Variants in MSI2 observed in about 807,000 individuals in gnomAD.
The protein encoded by MSI2 is RNA-binding protein Musashi homolog 2.
In MSI2, 17 loss-of-function variants were observed where a neutral mutation model predicts 45.6. The ratio of observed to expected loss-of-function variants is 0.37; its 90% CI spans 0.26 to 0.56. The LOEUF is 0.56. Ranked by LOEUF, MSI2 falls within the 20% of genes least tolerant of loss-of-function variation. The pLI is 0.77. For synonymous variants in MSI2, 156 were observed against 158.2 expected (o/e 0.99, Z 0.11); for missense variants, 293 against 444.2 (o/e 0.66, Z 3.06).
At chr17:57,382,542 A>T (rs147758462) in intron 5 of MSI2, among the ~76,000 whole-genome samples, 100 of 152,318 alleles carry the variant, frequency 6.6e-4, no homozygotes, top group African/African-American at 2.2e-3. Context: ...GGTCAGAGAC[A>T]TGTGGTTGGA....
intron 5 of MSI2, among the ~76,000 whole-genome samples, chr17:57,385,371 A>C (rs1226984103): frequency 6.6e-6 from 1 of 152,214 alleles, no homozygotes; most frequent in African/African-American, 2.4e-5. Flanking sequence ...TTAGTGCCTG[A>C]AACAAGCAAT....
intron 7 of MSI2, among the ~76,000 whole-genome samples, chr17:57,550,915 A>G (rs2087288506): frequency 6.6e-6 from 1 of 152,188 alleles, no homozygotes. Flanking sequence ...GCCTCACTTC[A>G]CAGGAGAATT....
intron 10 of MSI2, among the ~76,000 whole-genome samples, chr17:57,639,741 C>A (rs976228889): frequency 3.7e-5 from 5 of 134,446 alleles, no homozygotes; most frequent in Admixed American, 7.5e-5. Flanking sequence ...GAGGCCAGCC[C>A]CACAGTTCCC....
intron 7 of MSI2, among the ~76,000 whole-genome samples, chr17:57,579,937 T>G: frequency 6.6e-6 from 1 of 152,166 alleles, no homozygotes; most frequent in East Asian, 1.9e-4. Flanking sequence ...CTTACAACCT[T>G]TTCTACAAAT....
At chr17:57,537,680 G>A (rs922417653) in intron 7 of MSI2, among the ~76,000 whole-genome samples, 8 of 152,136 alleles carry the variant, frequency 5.3e-5, no homozygotes, top group Non-Finnish European at 8.8e-5. Context: ...TTCCGGAAGC[G>A]CCCATTCCGG....
At chr17:57,484,662 C>A (rs1260057254) in intron 6 of MSI2, among the ~76,000 whole-genome samples, 3 of 152,318 alleles carry the variant, frequency 2.0e-5, no homozygotes, top group Admixed American at 2.0e-4. Flanking sequence ...CAGTTGTCTT[C>A]ATTGCTGAGT....
At chr17:57,481,924 T>A (rs1402368964) in intron 6 of MSI2, among the ~76,000 whole-genome samples, 1 of 152,248 alleles carries the variant, frequency 6.6e-6, no homozygotes, top group Non-Finnish European at 1.5e-5. Flanking sequence ...AGACAGCTTC[T>A]TATGAAATCA....
chr17:57,562,442 T>C (rs2144254163), intron 7 of MSI2, among the ~76,000 whole-genome samples: 1 of 152,342 alleles, frequency 6.6e-6, no homozygotes, highest in Non-Finnish European at 1.5e-5. Flanking sequence ...GCCTGTGGCC[T>C]GAAACCAGGG....
chr17:57,278,647 C>T (rs897910755), intron 5 of MSI2: 2 of 153,126 alleles, frequency 1.3e-5, no homozygotes, highest in South Asian at 4.1e-4. Context: ...CACTGCCCCC[C>T]CAACCCCTTG....
chr17:57,677,103 C>A (rs1913285653), intron 13 of MSI2, 44 bp downstream of exon 13: 3 of 1,358,788 alleles, frequency 2.2e-6, no homozygotes, highest in Non-Finnish European at 3.2e-6. Context: ...CCGGTGTGTC[C>A]GTACATGTAT....
chr17:57,593,646 C>T (rs997657157), intron 7 of MSI2, among the ~76,000 whole-genome samples: 1 of 151,898 alleles, frequency 6.6e-6, no homozygotes, highest in African/African-American at 2.4e-5. Context: ...AATAAGGTCA[C>T]ATTCATAAAT....
rs959947034 is a variant in MSI2 at position 57,529,565 on chromosome 17, A to G, written c.406-111A>G. 3 of 922,004 alleles carry G rather than the reference A, an allele frequency of 3.3e-6. No individual in the cohort carries two copies. The highest frequency in any genetic ancestry group is 4.8e-5 in the Admixed American group (2 of 42,066). 57.1% of individuals were successfully genotyped at this position (922,004 alleles called of 1,614,324 possible). On this transcript the variant is annotated intron_variant, in intron 6 of 13. Transcript: ENST00000284073. The surrounding 1 kb of genome is among the most constrained non-coding windows in gnomAD (Gnocchi z 5.3). Reference sequence around the variant, plus strand: ...ATTTTCAAATATTTTTTGATAAGCAACTATTACTTCTGTAATGGAAACTAC... The same window carrying G: ...ATTTTCAAATATTTTTTGATAAGCAGCTATTACTTCTGTAATGGAAACTAC...
intron 5 of MSI2, among the ~76,000 whole-genome samples, chr17:57,330,530 C>T (rs760067893): frequency 2.6e-5 from 4 of 152,062 alleles, no homozygotes; most frequent in South Asian, 2.1e-4. Context: ...CTGTCTGCCT[C>T]GGCCTCCCAA....
chr17:57,675,447 T>G (rs1477464688), intron 12 of MSI2, among the ~76,000 whole-genome samples: 1 of 152,204 alleles, frequency 6.6e-6, no homozygotes, highest in Admixed American at 6.5e-5. Context: ...AAAACCAGAA[T>G]CTCTATGCTT....
intron 6 of MSI2, among the ~76,000 whole-genome samples, chr17:57,525,574 C>A (rs1598364933): frequency 6.6e-6 from 1 of 152,300 alleles, no homozygotes; most frequent in East Asian, 1.9e-4. Context: ...TAGACATGAG[C>A]CAGCATATCC....
chr17:57,687,692 G>A (rs1048873175), downstream of MSI2, among the ~76,000 whole-genome samples: 7 of 152,052 alleles, frequency 4.6e-5, no homozygotes, highest in African/African-American at 1.7e-4. Flanking sequence ...CCAGATGATA[G>A]AGAAATATGG....
intron 7 of MSI2, among the ~76,000 whole-genome samples, chr17:57,571,272 G>T (rs749412823): frequency 6.6e-6 from 1 of 152,172 alleles, no homozygotes; most frequent in Non-Finnish European, 1.5e-5. Context: ...GGGGCAGGCC[G>T]CCCTGGGAAG....
At chr17:57,643,948 C>T (rs937785044) in intron 10 of MSI2, among the ~76,000 whole-genome samples, 1 of 152,188 alleles carries the variant, frequency 6.6e-6, no homozygotes, top group African/African-American at 2.4e-5. Context: ...CTGGCCTTCA[C>T]ATTTGGCCCC....
At chr17:57,636,186 T>G (rs1909822077) in intron 10 of MSI2, among the ~76,000 whole-genome samples, 1 of 151,996 alleles carries the variant, frequency 6.6e-6, no homozygotes, top group African/African-American at 2.4e-5. Context: ...AGGGCTTGGA[T>G]GTGGAAATCA....
Sources: allele counts gnomAD v4.1 joint callset (sites outside exome capture counted in the v4.1 genomes callset), GRCh38; gene constraint gnomAD v4.1.1; non-coding constraint Gnocchi (gnomAD v3.1); transcripts MANE v1.5; gene names NCBI Gene and HGNC (gene_info 2026-07-23, HGNC 2026-07-21).